TP63: variants seen among roughly 807,000 people sequenced by gnomAD.
TP63 encodes the protein tumor protein p63.
In TP63, 17 loss-of-function variants were observed where a neutral mutation model predicts 82.8. The ratio of observed to expected loss-of-function variants is 0.21; its 90% CI spans 0.14 to 0.31. TP63 has a LOEUF of 0.31. TP63 is among the 10% of genes least tolerant of loss of function. The pLI is 1.00. For synonymous variants in TP63, 330 were observed against 321.7 expected, an observed-to-expected ratio of 1.03 and a Z score of -0.28; for missense variants, 648 against 895.3, an observed-to-expected ratio of 0.72 and a Z score of 3.52.
intron 3 of TP63, among the ~76,000 whole-genome samples, chr3:189,775,290 T>A (rs1431838055): frequency 4.0e-5 from 6 of 150,792 alleles, no homozygotes; most frequent in African/African-American, 1.5e-4. Flanking sequence ...TATAAAGAAG[T>A]CATTTGCTGT....
chr3:189,851,708 T>C (rs967785649), intron 4 of TP63, among the ~76,000 whole-genome samples: 3 of 152,164 alleles, frequency 2.0e-5, no homozygotes, highest in African/African-American at 7.2e-5. Context: ...ATCTACCTGA[T>C]AGTTGAGTTG....
intron 1 of TP63, among the ~76,000 whole-genome samples, chr3:189,719,108 A>G (rs1719180591): frequency 1.3e-5 from 2 of 152,102 alleles, no homozygotes; most frequent in African/African-American, 4.8e-5. Context: ...AAACTCACAG[A>G]TGCAGACAAG....
At chr3:189,673,226 G>C (rs575732073) in intron 1 of TP63, among the ~76,000 whole-genome samples, 3 of 152,128 alleles carry the variant, frequency 2.0e-5, no homozygotes, top group Non-Finnish European at 4.4e-5. Context: ...AATAACTCTA[G>C]GAACTAGGAA....
At chr3:189,744,403 G>C (rs1721218670) in intron 3 of TP63, among the ~76,000 whole-genome samples, 1 of 152,062 alleles carries the variant, frequency 6.6e-6, no homozygotes, top group African/African-American at 2.4e-5. Flanking sequence ...ACCACAACCA[G>C]TGCCCGCACA....
chr3:189,779,943 G>C (rs1047003449), intron 3 of TP63, among the ~76,000 whole-genome samples: 4 of 152,026 alleles, frequency 2.6e-5, no homozygotes, highest in Non-Finnish European at 5.9e-5. Context: ...TTTCAGTGTG[G>C]GATTCATGAA....
chr3:189,795,225 TTTGA>T (rs1240996834), intron 3 of TP63, among the ~76,000 whole-genome samples: 1 of 152,068 alleles, frequency 6.6e-6, no homozygotes, highest in Non-Finnish European at 1.5e-5. Flanking sequence ...CACAAATCAT[TTTGA>T]TTATTTCCCC....
chr3:189,613,166 G>A, the TP63 span, among the ~76,000 whole-genome samples: 1 of 152,130 alleles, frequency 6.6e-6, no homozygotes, highest in Non-Finnish European at 1.5e-5. Flanking sequence ...AGGCCTTTAT[G>A]GCAGCTCCCC....
At chr3:189,864,528 C>A in intron 5 of TP63, 110 bp downstream of exon 5, 3 of 670,332 alleles carry the variant, frequency 4.5e-6, no homozygotes, top group Non-Finnish European at 6.7e-6. Context: ...ACTCCGATGG[C>A]AGATCAGTCT....
intron 2 of TP63, 60 bp downstream of exon 2, chr3:189,737,928 C>A: frequency 1.2e-6 from 2 of 1,602,676 alleles, no homozygotes; most frequent in South Asian, 2.2e-5. Context: ...TGTGGGTGGT[C>A]AAAATATTGC....
intron 4 of TP63, among the ~76,000 whole-genome samples, chr3:189,856,576 G>A (rs1294971036): frequency 1.3e-5 from 2 of 151,950 alleles, no homozygotes; most frequent in African/African-American, 4.8e-5. Context: ...AAGTAAAACT[G>A]TCCCTGTTCA....
At chr3:189,655,315 A>G (rs1001771408) in intron 1 of TP63, among the ~76,000 whole-genome samples, 1 of 152,180 alleles carries the variant, frequency 6.6e-6, no homozygotes, top group Non-Finnish European at 1.5e-5. Context: ...CAGAGACTGT[A>G]GGATGAATGG....
chr3:189,617,260 C>A, the TP63 span, among the ~76,000 whole-genome samples: 2 of 152,148 alleles, frequency 1.3e-5, no homozygotes, highest in Non-Finnish European at 2.9e-5. Context: ...TGTGGGTTGA[C>A]CAAGCAGCCC....
intron 4 of TP63, among the ~76,000 whole-genome samples, chr3:189,828,475 C>T (rs1577050583): frequency 6.6e-6 from 1 of 152,116 alleles, no homozygotes; most frequent in African/African-American, 2.4e-5. Flanking sequence ...TGATATATTC[C>T]TCAAGGTTTG....
chr3:189,829,360 A>G (rs1711941095), intron 4 of TP63, among the ~76,000 whole-genome samples: 1 of 152,242 alleles, frequency 6.6e-6, no homozygotes, highest in South Asian at 2.1e-4. Flanking sequence ...ATGAGTTTTA[A>G]GCATTTATTC....
rs144357294 is a variant in TP63, at chr3:189,833,460, A to G, written c.579+24934A>G. Among the ~76,000 whole-genome samples, 1,206 of 152,332 alleles carry G rather than the reference A, an allele frequency of 7.9e-3. 21 individuals carry two copies. The highest frequency in any genetic ancestry group is 0.028 in the African/African-American group (1,164 of 41,558). The stretch of plus-strand genomic sequence containing the variant: ...ACCCAAAGAATGCAAAACGCTTTGC[A>G]AACAGTAGAACTCACAATTCCCCTG... On this transcript the variant is annotated intron_variant, in intron 4 of 13. Transcript: ENST00000264731.
chr3:189,669,356 C>CA (rs201942199), intron 1 of TP63, among the ~76,000 whole-genome samples: 10,903 of 115,014 alleles, frequency 0.095, 461 homozygotes, highest in Middle Eastern at 0.24. Flanking sequence ...GTGTGTACTA[C>CA]AAAAAAAAAA....
Position 189,723,652 on chromosome 3 carries a change from C to T in TP63, c.63-14088C>T, listed in dbSNP as rs544447593. On this transcript the variant is annotated intron_variant, in intron 1 of 13. Transcript: ENST00000264731. ...CATGAACCAACCAGTCAGGTAGGAA[C>T]TGTAAATAAAGATCTGTACCATAGA... Among the ~76,000 whole-genome samples the T allele has an allele frequency of 4.9e-4, 75 of 152,256 alleles. 1 individual carries two copies. The highest frequency in any genetic ancestry group is 4.2e-3 in the South Asian group (20 of 4,816).
rs755044426 is a variant in TP63 at position 189,631,485 on chromosome 3, C to T, written c.-31C>T. 3.1e-6 allele frequency: 5 copies of T among 1,611,940 alleles called. No individual in the cohort carries two copies. Among genetic ancestry groups the T allele is most frequent in the South Asian group, 2.2e-5 (2 of 91,018 alleles). On this transcript the variant is annotated 5_prime_UTR_variant, in exon 1 of 14. Coordinates refer to ENST00000264731, the MANE Select transcript of TP63 (RefSeq NM_003722.5). Reference sequence around the variant, plus strand: ...GTGTATATTTTATATAATTGTTCTCCGTTCGTTGATATCAAAGACAGTTGA... The same window carrying T: ...GTGTATATTTTATATAATTGTTCTCTGTTCGTTGATATCAAAGACAGTTGA...
At chr3:189,697,269 T>C (rs958675320) in intron 1 of TP63, among the ~76,000 whole-genome samples, 2 of 150,400 alleles carry the variant, frequency 1.3e-5, no homozygotes, top group Non-Finnish European at 3.0e-5. Flanking sequence ...CACTCGATTG[T>C]TTCAGCACCA....
Sources: allele counts gnomAD v4.1 joint callset (sites outside exome capture counted in the v4.1 genomes callset), GRCh38; gene constraint gnomAD v4.1.1; transcripts MANE v1.5; gene names NCBI Gene and HGNC (gene_info 2026-07-23, HGNC 2026-07-21).